The following PGM2 variants were observed in gnomAD, a reference collection of about 807,000 sequenced individuals.
PGM2 encodes phosphopentomutase.
In PGM2, 57 loss-of-function variants were observed where a neutral mutation model predicts 74.6. The ratio of observed to expected loss-of-function variants is 0.76; its 90% CI spans 0.62 to 0.95. The LOEUF (loss-of-function observed/expected upper bound fraction) is 0.95, where lower values mean the gene tolerates loss of function less well. Among genes scored for constraint, PGM2 ranks in the 40% least tolerant of loss-of-function variants. The probability of loss-of-function intolerance (pLI) is 0.00; values close to 1 mark genes in which losing one functional copy is unlikely to be tolerated. For synonymous variants in PGM2, 273 were observed against 260.7 expected, an observed-to-expected ratio of 1.05 and a Z score of -0.46; for missense variants, 706 against 741.9, an observed-to-expected ratio of 0.95 and a Z score of 0.56.
At chr4:37,850,438 A>G in intron 12 of PGM2, 65 bp downstream of exon 12, 1 of 969,106 alleles carries the variant, frequency 1.0e-6, no homozygotes. Flanking sequence ...AATTTGAATA[A>G]ATTATTTAAC....
chr4:37,837,007 T>C (rs1469074822), intron 3 of PGM2, among the ~76,000 whole-genome samples: 1 of 152,204 alleles, frequency 6.6e-6, no homozygotes, highest in African/African-American at 2.4e-5. Flanking sequence ...GCCTCTGCAC[T>C]GTTGACATGT....
At chr4:37,840,780 ACT>A (rs932554355) in intron 6 of PGM2, among the ~76,000 whole-genome samples, 1 of 151,606 alleles carries the variant, frequency 6.6e-6, no homozygotes, top group African/African-American at 2.4e-5. Context: ...GTCCACACAG[ACT>A]CTTTCTCAGC....
Position 37,841,900 on chromosome 4 carries a change from A to G in PGM2, c.719+1641A>G, listed in dbSNP as rs186191862. On this transcript the variant is annotated intron_variant, in intron 6 of 13. Coordinates refer to ENST00000381967, the MANE Select transcript of PGM2 (RefSeq NM_018290.4). Reference sequence around the variant, plus strand: ...TCCGTAAGGTAACTTTCTGGCATCAAAATTGTATGTGCATTCACAAAGTTG... The same window carrying G: ...TCCGTAAGGTAACTTTCTGGCATCAGAATTGTATGTGCATTCACAAAGTTG... Among the ~76,000 whole-genome samples, 343 of 152,332 alleles carry G rather than the reference A, an allele frequency of 2.3e-3. 1 individual carries two copies. Among genetic ancestry groups the G allele is most frequent in the Non-Finnish European group, 2.8e-3 (191 of 68,032 alleles).
chr4:37,850,485 C>A (rs1233338305), intron 12 of PGM2, 112 bp downstream of exon 12: 1 of 627,912 alleles, frequency 1.6e-6, no homozygotes, highest in Admixed American at 4.1e-5. Context: ...GGCACTTAGG[C>A]GTGATTATAA....
chr4:37,851,088 G>A (rs1726028730), intron 12 of PGM2, among the ~76,000 whole-genome samples: 1 of 152,046 alleles, frequency 6.6e-6, no homozygotes. Context: ...ACCTGTCTGT[G>A]GACACAGAGC....
intron 11 of PGM2, 144 bp from the exon 12 acceptor site, chr4:37,850,039 CG>C (rs1391921909): frequency 3.8e-6 from 2 of 521,990 alleles, no homozygotes; most frequent in African/African-American, 2.0e-5. Flanking sequence ...CTGCCCGCCT[CG>C]GCCTCACAAA....
At chr4:37,826,910 C>T (rs1485046675) in intron 1 of PGM2, 97 bp downstream of exon 1, 1 of 712,038 alleles carries the variant, frequency 1.4e-6, no homozygotes, top group East Asian at 3.0e-5. Context: ...GCTGCCTTCC[C>T]GCCCAGTGCA....
chr4:37,852,261 T>A (rs28632061), intron 12 of PGM2, among the ~76,000 whole-genome samples: 4,323 of 150,216 alleles, frequency 0.029, 215 homozygotes, highest in African/African-American at 0.1. Flanking sequence ...CTACTGCGCC[T>A]GCCTTAATTC....
chr4:37,827,155 G>C (rs532953185), intron 1 of PGM2, among the ~76,000 whole-genome samples: 2 of 152,372 alleles, frequency 1.3e-5, no homozygotes, highest in East Asian at 1.9e-4. Context: ...CTGTCACTCA[G>C]ACCGCTGGCT....
At chr4:37,827,737 G>A (rs973860121) in intron 1 of PGM2, among the ~76,000 whole-genome samples, 39 of 152,126 alleles carry the variant, frequency 2.6e-4, no homozygotes, top group African/African-American at 9.2e-4. Flanking sequence ...TTGTAGGTTT[G>A]TTTAATGTCT....
chr4:37,855,818 A>C, intron 13 of PGM2, 77 bp downstream of exon 13: 1 of 1,226,960 alleles, frequency 8.2e-7, no homozygotes, highest in Non-Finnish European at 1.1e-6. Flanking sequence ...GCCAAGTGAA[A>C]TGTTCCATCT....
intron 1 of PGM2, among the ~76,000 whole-genome samples, chr4:37,829,463 T>C (rs1430405494): frequency 1.3e-5 from 2 of 152,214 alleles, no homozygotes; most frequent in African/African-American, 4.8e-5. Flanking sequence ...TTGTGTAATC[T>C]ATCACTCTGG....
intron 2 of PGM2, among the ~76,000 whole-genome samples, chr4:37,833,956 G>T (rs1376277855): frequency 1.3e-5 from 2 of 152,112 alleles, no homozygotes; most frequent in African/African-American, 4.8e-5. Flanking sequence ...CCTCTCACCA[G>T]CCCTGGATAC....
Position 37,861,878 on chromosome 4 carries a change from T to TA in PGM2, c.*273dup. The TA allele has an allele frequency of 9.2e-6, 3 of 326,110 alleles. No homozygotes were observed. The highest frequency in any genetic ancestry group is 9.2e-4 in the Middle Eastern group (1 of 1,088). 20.2% of individuals were successfully genotyped at this position (326,110 alleles called of 1,614,324 possible). On this transcript the variant is annotated 3_prime_UTR_variant, in exon 14 of 14. Coordinates refer to ENST00000381967, the MANE Select transcript of PGM2 (RefSeq NM_018290.4). ...GTGAAGATTTTTAAACTGACTAACT[T>TA]AAAAAAATAGATTGTAATTGATGTG...
intron 13 of PGM2, 143 bp downstream of exon 13, chr4:37,855,884 G>T (rs1407305669): frequency 7.9e-6 from 5 of 634,858 alleles, no homozygotes; most frequent in South Asian, 3.2e-5. Flanking sequence ...TAATATTTTG[G>T]TATTAACAGT....
intron 12 of PGM2, among the ~76,000 whole-genome samples, chr4:37,852,972 C>T (rs749250903): frequency 6.6e-5 from 10 of 152,088 alleles, no homozygotes; most frequent in Non-Finnish European, 1.2e-4. Flanking sequence ...ATCACCTCCC[C>T]TGCATTTTCA....
intron 10 of PGM2, 110 bp from the exon 11 acceptor site, chr4:37,848,412 T>G (rs1725937081): frequency 1.1e-6 from 1 of 885,332 alleles, no homozygotes; most frequent in South Asian, 1.9e-5. Flanking sequence ...ATGAGAAATG[T>G]GCATACACGC....
Position 37,861,992 on chromosome 4 carries a change from A to T in PGM2, c.*380A>T, listed in dbSNP as rs1711793367. 6.0e-6 allele frequency: 1 copy of T among 165,712 alleles called. No individual in the cohort carries two copies. The highest frequency in any genetic ancestry group is 1.5e-4 in the East Asian group (1 of 6,452). The allele number at this position is 165,712 out of a possible 1,614,324, so 10.3% of individuals were successfully genotyped here. On this transcript the variant is annotated 3_prime_UTR_variant, in exon 14 of 14. Transcript: ENST00000381967. ...TATCCAGAAAACCTATGGAGTTAGTAAATTCTGGGCTGTCATATGTAGGAT... is the reference window on the plus strand; with the variant it reads ...TATCCAGAAAACCTATGGAGTTAGTTAATTCTGGGCTGTCATATGTAGGAT...
intron 13 of PGM2, among the ~76,000 whole-genome samples, chr4:37,860,543 A>C (rs1480425894): frequency 6.6e-6 from 1 of 152,226 alleles, no homozygotes; most frequent in African/African-American, 2.4e-5. Context: ...TAATGTCTAC[A>C]ATGAAATGGA....
Sources: gnomAD v4.1 joint callset for allele counts (sites outside exome capture counted in the v4.1 genomes callset) on GRCh38, gnomAD v4.1.1 for gene constraint, MANE v1.5 for transcripts, NCBI Gene and HGNC (gene_info 2026-07-23, HGNC 2026-07-21) for gene names.